SGCD: variants seen among roughly 807,000 people sequenced by gnomAD.
SGCD encodes the protein delta-sarcoglycan.
Under a neutral mutation model 36.6 loss-of-function variants are expected in SGCD, and 18 were observed. The ratio of observed to expected loss-of-function variants is 0.49; its 90% CI spans 0.34 to 0.73. SGCD has a LOEUF of 0.73. Among genes scored for constraint, SGCD ranks in the 30% least tolerant of loss-of-function variants. The pLI is 0.01. For synonymous variants in SGCD, 133 were observed against 130.6 expected (o/e 1.02, Z -0.12); for missense variants, 387 against 346.7 (o/e 1.12, Z -0.92).
chr5:156,595,083 A>T (rs1760874775), intron 6 of SGCD, 32 bp downstream of exon 6: 2 of 1,591,422 alleles, frequency 1.3e-6, no homozygotes, highest in Non-Finnish European at 8.6e-7. Flanking sequence ...AACTTGTTTG[A>T]TGCTACTGTG....
At chr5:156,540,519 A>T (rs1282278021) in intron 4 of SGCD, among the ~76,000 whole-genome samples, 3 of 152,196 alleles carry the variant, frequency 2.0e-5, no homozygotes, top group African/African-American at 7.2e-5. Context: ...GCTAAGCTGC[A>T]TAATTTAAAT....
At chr5:156,355,783 T>C (rs2127726104) in intron 3 of SGCD, among the ~76,000 whole-genome samples, 1 of 152,302 alleles carries the variant, frequency 6.6e-6, no homozygotes, top group South Asian at 2.1e-4. Flanking sequence ...ATTACAGGCA[T>C]GTGCCACCAC....
chr5:156,101,902 CTGTGTGTGTGTGTGTGTG>C (rs36187985), intron 1 of SGCD, among the ~76,000 whole-genome samples: 1 of 108,046 alleles, frequency 9.3e-6, no homozygotes, highest in Non-Finnish European at 1.9e-5. Flanking sequence ...GTGTCTCCAG[CTGTGTGTGTGTGTGTGTG>C]TGTGTGTGTG....
At chr5:156,554,125 G>A (rs1282518143) in intron 4 of SGCD, among the ~76,000 whole-genome samples, 1 of 152,094 alleles carries the variant, frequency 6.6e-6, no homozygotes, top group Non-Finnish European at 1.5e-5. Flanking sequence ...GGAAGCCAAG[G>A]CAGTCAGATC....
In SGCD at chr5:156,758,388, TG is replaced by T. The variant is rs761126640; in HGVS notation, c.699+685del. Among the ~76,000 whole-genome samples the T allele has an allele frequency of 3.8e-3, 477 of 126,058 alleles. 6 individuals carry two copies. Among genetic ancestry groups the T allele is most frequent in the African/African-American group, 0.013 (437 of 33,536 alleles). The allele number at this position is 126,058 out of a possible 152,430, so 82.7% of individuals were successfully genotyped here. On this transcript the variant is annotated intron_variant, in intron 8 of 8. Coordinates refer to ENST00000337851, the MANE Select transcript of SGCD (RefSeq NM_000337.6). ...TAATCATAGAGTTAAAAAATCTGTG[TG>T]TTTTTTTTTTTTTAAGAAAAATGCT...
At chr5:155,809,596 C>T in the SGCD span, among the ~76,000 whole-genome samples, 2 of 151,684 alleles carry the variant, frequency 1.3e-5, no homozygotes, top group African/African-American at 4.9e-5. Context: ...GAAAGGGAAA[C>T]ATGAAGAGTG....
intron 1 of SGCD, among the ~76,000 whole-genome samples, chr5:155,881,827 G>A (rs569321294): frequency 2.0e-5 from 3 of 152,160 alleles, no homozygotes; most frequent in South Asian, 2.1e-4. Context: ...CAGCATCTTC[G>A]CCAGGAGTAG....
chr5:156,239,525 T>A (rs1328456161), intron 3 of SGCD, among the ~76,000 whole-genome samples: 3 of 152,078 alleles, frequency 2.0e-5, no homozygotes, highest in African/African-American at 7.2e-5. Flanking sequence ...ATAATCTGTC[T>A]CACACATCCA....
chr5:155,996,691 A>T (rs1758551705), intron 1 of SGCD, among the ~76,000 whole-genome samples: 1 of 151,770 alleles, frequency 6.6e-6, no homozygotes, highest in Admixed American at 6.6e-5. Context: ...AAGCAGAAGA[A>T]TCACTTGAAC....
intron 1 of SGCD, among the ~76,000 whole-genome samples, chr5:155,916,527 A>G (rs1025947744): frequency 6.6e-6 from 1 of 152,160 alleles, no homozygotes; most frequent in African/African-American, 2.4e-5. Flanking sequence ...GAAGGGGGTC[A>G]TTGTCCCAAA....
chr5:156,642,045 C>T (rs1763045878), intron 6 of SGCD, among the ~76,000 whole-genome samples: 2 of 152,118 alleles, frequency 1.3e-5, no homozygotes, highest in Non-Finnish European at 1.5e-5. Context: ...TCAGCATGGT[C>T]AGGTTTGGTG....
At chr5:156,507,465 G>A (rs1024779186) in intron 3 of SGCD, among the ~76,000 whole-genome samples, 3 of 152,158 alleles carry the variant, frequency 2.0e-5, no homozygotes, top group African/African-American at 7.2e-5. Flanking sequence ...CTAACACACA[G>A]AACTGTAAGA....
the SGCD span, among the ~76,000 whole-genome samples, chr5:155,744,973 G>GGT: frequency 6.6e-6 from 1 of 152,220 alleles, no homozygotes; most frequent in Non-Finnish European, 1.5e-5. Flanking sequence ...GGAGGTCTTA[G>GGT]AAGCATTCAG....
At chr5:156,040,736 T>A (rs1759613807) in intron 1 of SGCD, among the ~76,000 whole-genome samples, 1 of 152,170 alleles carries the variant, frequency 6.6e-6, no homozygotes, top group African/African-American at 2.4e-5. Flanking sequence ...ATGCCTTCAT[T>A]TCCACTTAGA....
intron 1 of SGCD, among the ~76,000 whole-genome samples, chr5:156,001,322 T>C (rs1284976166): frequency 6.6e-6 from 1 of 152,212 alleles, no homozygotes; most frequent in African/African-American, 2.4e-5. Context: ...GTCACTACTT[T>C]TTGAGTCAAA....
intron 7 of SGCD, among the ~76,000 whole-genome samples, chr5:156,716,311 T>A (rs1392758743): frequency 6.6e-6 from 1 of 152,218 alleles, no homozygotes; most frequent in Admixed American, 6.5e-5. Context: ...CACTGTCTTA[T>A]TATCCCATTT....
At chr5:156,562,391 T>C (rs1432782018) in intron 4 of SGCD, among the ~76,000 whole-genome samples, 1 of 152,114 alleles carries the variant, frequency 6.6e-6, no homozygotes, top group East Asian at 1.9e-4. Context: ...GGGTATTTCC[T>C]GGAAGACATA....
chr5:156,037,465 G>A (rs1385813281), intron 1 of SGCD, among the ~76,000 whole-genome samples: 1 of 152,128 alleles, frequency 6.6e-6, no homozygotes, highest in Non-Finnish European at 1.5e-5. Flanking sequence ...CAGTTCTCAG[G>A]TCCTAATTCC....
At chr5:156,585,186 T>A (rs1760443363) in intron 4 of SGCD, among the ~76,000 whole-genome samples, 1 of 152,188 alleles carries the variant, frequency 6.6e-6, no homozygotes, top group South Asian at 2.1e-4. Context: ...AGCTTCACAG[T>A]GTAGCTTCAT....
Sources: allele counts gnomAD v4.1 joint callset (sites outside exome capture counted in the v4.1 genomes callset), GRCh38; gene constraint gnomAD v4.1.1; transcripts MANE v1.5; gene names NCBI Gene and HGNC (gene_info 2026-07-23, HGNC 2026-07-21).